Variants in ARHGAP8 observed in about 807,000 individuals in gnomAD.
The protein encoded by ARHGAP8 is Rho GTPase activating protein 8, also known as rho GTPase-activating protein 8.
ARHGAP8 carries 62 observed loss-of-function variants against 46.1 expected under a neutral mutation model. The observed-to-expected ratio is 1.34, with a 90% CI of 1.10 to 1.66. The LOEUF (loss-of-function observed/expected upper bound fraction) is 1.66. Ranked by LOEUF, ARHGAP8 falls within the 40% of genes most tolerant of loss-of-function variation. The pLI, the probability that ARHGAP8 is intolerant of heterozygous loss-of-function variation, is 0.00. For synonymous variants in ARHGAP8, 375 were observed against 243.1 expected, an observed-to-expected ratio of 1.54 and a Z score of -5.05; for missense variants, 923 against 568.4, an observed-to-expected ratio of 1.62 and a Z score of -6.34.
chr22:44,852,034 T>TA (rs2147174164), intron 10 of ARHGAP8, among the ~76,000 whole-genome samples: 1 of 151,436 alleles, frequency 6.6e-6, no homozygotes, highest in South Asian at 2.1e-4. Flanking sequence ...CCACTAAAAA[T>TA]ACAAAAATTA....
chr22:44,776,614 A>C (rs776830314), intron 1 of ARHGAP8, among the ~76,000 whole-genome samples: 5 of 151,968 alleles, frequency 3.3e-5, no homozygotes, highest in Non-Finnish European at 7.4e-5. Context: ...TGGAGTTCAG[A>C]TTTTTCATTA....
intron 2 of ARHGAP8, among the ~76,000 whole-genome samples, chr22:44,800,625 GGGCGCCCCTCCCC>G (rs1928439781): frequency 4.3e-5 from 3 of 69,480 alleles, no homozygotes; most frequent in African/African-American, 2.2e-4. Context: ...CATGTGTGGG[GGGCGCCCCTCCCC>G]GCAGCTGTCC....
Position 44,802,082 on chromosome 22 carries a change from G to A in ARHGAP8, c.85G>A (p.Asp29Asn), listed in dbSNP as rs777764946. 14 of 1,614,150 alleles carry A rather than the reference G, an allele frequency of 8.7e-6. No homozygotes were observed. In the South Asian group the frequency reaches 1.5e-4, roughly 18 times the overall value. The change falls in exon 3 of 12, where the codon GAC becomes AAC. Residue 29 changes from aspartate (D) to asparagine (N), a missense_variant. By Grantham distance (23) the Asp-to-Asn change is conservative (BLOSUM62 1). Transcript: ENST00000356099. ...ACCTGTGTCTGCTCCTCCAGGGGAT[G>A]ACCGCTTTGGAAGACGTGTTGTCAC... ...RHGILQVAGD[D>N]RFGRRVVTFS...
intron 8 of ARHGAP8, 136 bp from the exon 9 acceptor site, chr22:44,847,837 A>G: frequency 8.6e-7 from 1 of 1,164,412 alleles, no homozygotes; most frequent in Non-Finnish European, 1.2e-6. Flanking sequence ...GGAATATGGA[A>G]AGGATTTGAG....
intron 1 of ARHGAP8, among the ~76,000 whole-genome samples, chr22:44,779,068 T>C (rs1243009656): frequency 6.6e-6 from 1 of 150,824 alleles, no homozygotes; most frequent in African/African-American, 2.4e-5. Context: ...AAAGTGGAAT[T>C]GCACAGTGAC....
At chr22:44,825,008 A>G (rs932222045) in intron 6 of ARHGAP8, among the ~76,000 whole-genome samples, 1 of 151,436 alleles carries the variant, frequency 6.6e-6, no homozygotes, top group Non-Finnish European at 1.5e-5. Context: ...CCATCTGTTC[A>G]TTCATGGGTT....
At chr22:44,817,257 GAAT>G (rs922627771) in intron 5 of ARHGAP8, among the ~76,000 whole-genome samples, 2 of 152,246 alleles carry the variant, frequency 1.3e-5, no homozygotes, top group African/African-American at 4.8e-5. Context: ...CACACTGGGA[GAAT>G]TCCCAGAGCA....
At chr22:44,762,442 A>C (rs1925200622) in intron 1 of ARHGAP8, among the ~76,000 whole-genome samples, 1 of 77,680 alleles carries the variant, frequency 1.3e-5, no homozygotes, top group South Asian at 4.2e-4. Flanking sequence ...TCTCTAAAAC[A>C]AAAAAAAATC....
intron 10 of ARHGAP8, among the ~76,000 whole-genome samples, chr22:44,856,253 CCTTTTTTTTTTTTTTTTTT>C (rs2070219902): frequency 9.0e-6 from 1 of 111,128 alleles, no homozygotes; most frequent in African/African-American, 4.3e-5. Context: ...CTATAAATTC[CCTTTTTTTTTTTTTTTTTT>C]TTTTTTTTTT....
At position 44,786,449 on chromosome 22, in the gene ARHGAP8, T is replaced by C; in HGVS notation, c.-71-8T>C. Reference sequence around the variant, plus strand: ...TGCACTGACTTCCTTTAATCTTCTTTGCCGCAGAGCTGCAGAGAGACAAGG... The same window carrying C: ...TGCACTGACTTCCTTTAATCTTCTTCGCCGCAGAGCTGCAGAGAGACAAGG... On this transcript the variant is annotated splice_region_variant and splice_polypyrimidine_tract_variant and intron_variant, in intron 1 of 11. Coordinates refer to ENST00000356099, the MANE Select transcript of ARHGAP8 (RefSeq NM_181335.3). The C allele has an allele frequency of 1.3e-6, 2 of 1,585,144 alleles. No individual in the cohort carries two copies. The highest frequency in any genetic ancestry group is 1.7e-6 in the Non-Finnish European group (2 of 1,166,508).
intron 2 of ARHGAP8, among the ~76,000 whole-genome samples, chr22:44,797,527 T>C (rs1474183821): frequency 6.6e-6 from 1 of 152,210 alleles, no homozygotes; most frequent in Non-Finnish European, 1.5e-5. Context: ...AGTGCAGCCC[T>C]TTAAAACAGA....
chr22:44,816,158 G>T (rs1929725479), intron 5 of ARHGAP8, among the ~76,000 whole-genome samples: 1 of 79,584 alleles, frequency 1.3e-5, no homozygotes, highest in Non-Finnish European at 2.8e-5. Flanking sequence ...ACTTGTTGAA[G>T]CCCACTCGTG....
chr22:44,859,908 T>TC, intron 11 of ARHGAP8, 74 bp downstream of exon 11: 1 of 1,521,638 alleles, frequency 6.6e-7, no homozygotes, highest in South Asian at 1.2e-5. Flanking sequence ...CATGGACCAG[T>TC]CCCCTCCTTG....
Position 44,859,771 on chromosome 22 carries a change from C to A in ARHGAP8, c.918C>A (p.Ile306=). 1.2e-6 allele frequency: 2 copies of A among 1,614,090 alleles called. No homozygotes were observed. The highest frequency in any genetic ancestry group is 1.7e-6 in the Non-Finnish European group (2 of 1,180,034). The change falls in exon 11 of 12, where the codon ATC becomes ATA. Residue 306 remains isoleucine (I), a synonymous_variant. Transcript: ENST00000356099. ...SSLRVTGCRQ[I]LRSLPEHNYV... ...TGCGTGTCACTGGCTGCCGCCAGAT[C>A]TTACGGAGCCTCCCAGAGCACAACT...
intron 5 of ARHGAP8, among the ~76,000 whole-genome samples, chr22:44,819,528 C>T (rs1024365310): frequency 5.3e-5 from 8 of 152,054 alleles, no homozygotes; most frequent in East Asian, 1.9e-4. Context: ...AAAAAATTAG[C>T]GGGGAGTGGT....
chr22:44,754,338 TTGTGTGTGTGTGTGTG>T (rs35257490), intron 1 of ARHGAP8, among the ~76,000 whole-genome samples: 4 of 146,526 alleles, frequency 2.7e-5, no homozygotes, highest in African/African-American at 1.0e-4. Context: ...CATTGAAACT[TTGTGTGTGTGTGTGTG>T]TGTGTGTGTG....
At position 44,802,132 on chromosome 22, in the gene ARHGAP8, C is replaced by T. The variant is rs139470300; in HGVS notation, c.135C>T (p.Pro45=). The change falls in exon 3 of 12, where the codon CCC becomes CCT. Residue 45 remains proline, a synonymous_variant. Coordinates refer to ENST00000356099, the MANE Select transcript of ARHGAP8 (RefSeq NM_181335.3). ...CGTTCAGCTGCTGCCGGATGCCACC[C>T]TCCCACGAGCTGGACCACCAGCGGC... ...VVTFSCCRMP[P]SHELDHQRLL... 120 of 1,613,928 alleles carry T rather than the reference C, an allele frequency of 7.4e-5. No homozygotes were observed. Among genetic ancestry groups the T allele is most frequent in the Non-Finnish European group, 9.7e-5 (114 of 1,179,930 alleles).
chr22:44,826,717 C>T (rs1930548355), intron 7 of ARHGAP8, among the ~76,000 whole-genome samples: 1 of 152,208 alleles, frequency 6.6e-6, no homozygotes, highest in Non-Finnish European at 1.5e-5. Flanking sequence ...TGAGCCACTG[C>T]ACCTGGCCAC....
chr22:44,768,203 G>T (rs1925732362), intron 1 of ARHGAP8, among the ~76,000 whole-genome samples: 1 of 151,626 alleles, frequency 6.6e-6, no homozygotes, highest in Non-Finnish European at 1.5e-5. Flanking sequence ...CACCATGTTG[G>T]TCAGGCTGGT....
Sources: allele counts gnomAD v4.1 joint callset (sites outside exome capture counted in the v4.1 genomes callset), GRCh38; gene constraint gnomAD v4.1.1; transcripts MANE v1.5; gene names NCBI Gene and HGNC (gene_info 2026-07-23, HGNC 2026-07-21).